Variants in MRGBP observed in about 807,000 individuals in gnomAD.
MRGBP encodes the protein MRG domain binding protein, also known as MRG/MORF4L-binding protein.
A neutral mutation model predicts 21.5 loss-of-function variants in MRGBP; 5 were observed. The ratio of observed to expected loss-of-function variants is 0.23; its 90% CI spans 0.12 to 0.49. The LOEUF is 0.49. Among genes scored for constraint, MRGBP ranks in the 20% least tolerant of loss-of-function variants. The pLI, the probability that MRGBP is intolerant of heterozygous loss-of-function variation, is 0.98. For missense variants in MRGBP, 227 were observed against 277.4 expected (o/e 0.82, Z 1.29); for synonymous variants, 118 against 104.4 (o/e 1.13, Z -0.79).
chr20:62,796,762 C>G, intron 1 of MRGBP, 91 bp downstream of exon 1: 1 of 1,127,274 alleles, frequency 8.9e-7, no homozygotes, highest in South Asian at 4.3e-5. Flanking sequence ...CTCGCCCCCA[C>G]GCTCCCCGCC....
chr20:62,799,062 C>T lies in MRGBP; in HGVS notation c.427+13C>T, dbSNP rs1425903574. 1 of 1,604,032 alleles carries T rather than the reference C, an allele frequency of 6.2e-7. No individual in the cohort carries two copies. The highest frequency in any genetic ancestry group is 1.1e-5 in the South Asian group (1 of 90,342). On this transcript the variant is annotated intron_variant, in intron 4 of 4. Transcript: ENST00000370487. ...GGGGCTGACGATGGTGAGTGTGGAG[C>T]TCACCCTGCCCTGATGCCCTTTGGG...
At chr20:62,797,365 C>T in intron 2 of MRGBP, 134 bp downstream of exon 2, 4 of 1,246,926 alleles carry the variant, frequency 3.2e-6, no homozygotes, top group Non-Finnish European at 4.2e-6. Context: ...GAGGCCCCTC[C>T]ATGCCTGCTG....
intron 1 of MRGBP, 118 bp from the exon 2 acceptor site, chr20:62,796,992 G>T: frequency 2.7e-6 from 1 of 364,276 alleles, no homozygotes. Flanking sequence ...TCCACACCCT[G>T]GCCCTCCCCA....
chr20:62,797,647 T>C (rs974094468), intron 2 of MRGBP, among the ~76,000 whole-genome samples: 1 of 152,180 alleles, frequency 6.6e-6, no homozygotes, highest in South Asian at 2.1e-4. Context: ...CTTAGGCCAT[T>C]GTCAGCCTCC....
At position 62,796,512 on chromosome 20, in the gene MRGBP, C is replaced by G; in HGVS notation, c.-12C>G. ...TCCCGCCGGGGGCTCCTTGCTCGGC[C>G]GGGCCGCGGCCATGGGAGAGGCCGA... On this transcript the variant is annotated 5_prime_UTR_variant, in exon 1 of 5. Coordinates refer to ENST00000370487, the MANE Select transcript of MRGBP (RefSeq NM_018270.6). 1.8e-6 allele frequency: 2 copies of G among 1,141,688 alleles called. No individual in the cohort carries two copies. The highest frequency in any genetic ancestry group is 2.2e-6 in the Non-Finnish European group (2 of 929,936). 70.7% of individuals were successfully genotyped at this position (1,141,688 alleles called of 1,614,324 possible).
intron 2 of MRGBP, among the ~76,000 whole-genome samples, chr20:62,797,460 G>A (rs1990362153): frequency 1.3e-5 from 2 of 152,216 alleles, no homozygotes; most frequent in African/African-American, 4.8e-5. Flanking sequence ...AGAGACCCCT[G>A]CAGTGAGGCT....
At chr20:62,797,303 C>G (rs893419122) in intron 2 of MRGBP, 72 bp downstream of exon 2, 1 of 1,476,438 alleles carries the variant, frequency 6.8e-7, no homozygotes, top group African/African-American at 1.4e-5. Context: ...GAGAGTCAGC[C>G]TGAGCTGGGC....
intron 2 of MRGBP, among the ~76,000 whole-genome samples, chr20:62,798,088 C>A (rs1274169898): frequency 2.6e-5 from 4 of 152,156 alleles, no homozygotes; most frequent in African/African-American, 9.7e-5. Context: ...TTCTTCTTTG[C>A]CTGGTTCTGT....
chr20:62,796,583 G>A lies in MRGBP; in HGVS notation c.60G>A (p.Ala20=). The part of the protein sequence containing the change: ...GAAGDKGPGE[A]ATSPAEETVV... ...CAGGCGACAAGGGCCCGGGGGAGGC[G>A]GCCACCAGCCCGGCGGAGGAGACAG... The change falls in exon 1 of 5, where the codon GCG becomes GCA. Residue 20 remains alanine, a synonymous_variant. Coordinates refer to ENST00000370487, the MANE Select transcript of MRGBP (RefSeq NM_018270.6). The A allele has an allele frequency of 3.9e-6, 5 of 1,266,486 alleles. No homozygotes were observed. The highest frequency in any genetic ancestry group is 5.0e-6 in the Non-Finnish European group (5 of 1,002,014). 78.5% of individuals were successfully genotyped at this position (1,266,486 alleles called of 1,614,324 possible).
Position 62,796,988 on chromosome 20 carries a change from C to T in MRGBP, c.149-122C>T, listed in dbSNP as rs1211016028. ...CCTGCCCCCCCACAGCCCCTCCACA[C>T]CCTGGCCCTCCCCATCTCTCCGCAG... On this transcript the variant is annotated intron_variant, in intron 1 of 4. Coordinates refer to ENST00000370487, the MANE Select transcript of MRGBP (RefSeq NM_018270.6). 4 of 617,104 alleles carry T rather than the reference C, an allele frequency of 6.5e-6. No homozygotes were observed. The East Asian group carries it at 1.8e-4, about 28-fold the overall frequency. The allele number at this position is 617,104 out of a possible 1,614,324, so 38.2% of individuals were successfully genotyped here.
chr20:62,796,837 TCGGACCCCGCCC>T (rs1178038091), intron 1 of MRGBP, among the ~76,000 whole-genome samples, 166 bp downstream of exon 1: 65 of 41,142 alleles, frequency 1.6e-3, no homozygotes, highest in African/African-American at 5.6e-3. Flanking sequence ...CACGCGCCCT[TCGGACCCCGCCC>T]CGGACCCCGC....
intron 2 of MRGBP, among the ~76,000 whole-genome samples, chr20:62,797,800 G>A (rs564382450): frequency 4.5e-4 from 68 of 152,334 alleles, no homozygotes; most frequent in African/African-American, 1.6e-3. Flanking sequence ...ACGGGCGAGC[G>A]GGTTAACTAG....
At position 62,800,574 on chromosome 20, in the gene MRGBP, T is replaced by G. The variant is rs1424503401; in HGVS notation, c.*931T>G. 1 of 152,220 alleles carries G rather than the reference T, an allele frequency of 6.6e-6. No homozygotes were observed. Among genetic ancestry groups the G allele is most frequent in the African/African-American group, 2.4e-5 (1 of 41,428 alleles). The allele number at this position is 152,220 out of a possible 1,614,324, so 9.4% of individuals were successfully genotyped here. On this transcript the variant is annotated 3_prime_UTR_variant, in exon 5 of 5. Transcript: ENST00000370487. ...GCCACTTTCGTGTGACTGCGAACAT[T>G]AAAGCACAAAAAAATCCAACCTGGA...
Position 62,796,601 on chromosome 20 carries a change from G to T in MRGBP, c.78G>T (p.Glu26Asp). Reference protein sequence around the residue: ...GPGEAATSPAEETVVWSPEVE... With the variant: ...GPGEAATSPADETVVWSPEVE... ...GGGAGGCGGCCACCAGCCCGGCGGA[G>T]GAGACAGTGGTGTGGAGCCCCGAGG... Residue 26 changes from glutamate (E) to aspartate (D), a missense_variant, in exon 1 of 5, where the codon GAG becomes GAT. Physicochemically the swap from Glu to Asp is conservative, Grantham distance 45. This residue lies in a region of MRGBP where 65 missense variants were observed against 49.7 expected (regional missense o/e 1.31). Transcript: ENST00000370487. The T allele has an allele frequency of 7.7e-7, 1 of 1,292,188 alleles. No homozygotes were observed. Among genetic ancestry groups the T allele is most frequent in the Non-Finnish European group, 9.8e-7 (1 of 1,016,032 alleles). 80.0% of individuals were successfully genotyped at this position (1,292,188 alleles called of 1,614,324 possible). A position where few individuals can be genotyped will look rare whatever the true frequency, so the allele number is the denominator to read the frequency against.
In MRGBP at chr20:62,796,602, G is replaced by A; in HGVS notation, c.79G>A (p.Glu27Lys). 2.3e-6 allele frequency: 3 copies of A among 1,293,098 alleles called. No individual in the cohort carries two copies. The highest frequency in any genetic ancestry group is 3.0e-6 in the Non-Finnish European group (3 of 1,016,530). 80.1% of individuals were successfully genotyped at this position (1,293,098 alleles called of 1,614,324 possible). A position where few individuals can be genotyped will look rare whatever the true frequency, so the allele number is the denominator to read the frequency against. The change falls in exon 1 of 5, where the codon GAG (glutamate) becomes AAG (lysine). Residue 27 changes from glutamate (E) to lysine (K), a missense_variant. Coordinates refer to ENST00000370487, the MANE Select transcript of MRGBP (RefSeq NM_018270.6). The part of the protein sequence containing the change: ...PGEAATSPAE[E>K]TVVWSPEVEV... ...GGAGGCGGCCACCAGCCCGGCGGAG[G>A]AGACAGTGGTGTGGAGCCCCGAGGT...
chr20:62,799,166 G>A lies in MRGBP; in HGVS notation c.427+117G>A, dbSNP rs1182764671. 1.1e-5 allele frequency: 12 copies of A among 1,085,304 alleles called. No individual in the cohort carries two copies. In the Admixed American group the frequency reaches 2.8e-4, roughly 25 times the overall value. The allele number at this position is 1,085,304 out of a possible 1,614,324, so 67.2% of individuals were successfully genotyped here. A position where few individuals can be genotyped will look rare whatever the true frequency, so the allele number is the denominator to read the frequency against. On this transcript the variant is annotated intron_variant, in intron 4 of 4. Transcript: ENST00000370487. ...CCTGCGGTGCAGAGGCCCCAGGCAGGTCATCTAGGCACAGGATGGATCCTG... is the reference window on the plus strand; with the variant it reads ...CCTGCGGTGCAGAGGCCCCAGGCAGATCATCTAGGCACAGGATGGATCCTG...
Position 62,796,665 on chromosome 20 carries a change from C to A in MRGBP, c.142C>A (p.Pro48Thr). ...CTTCCACGCCATGCTGGGCCACAAG[C>A]CCGTCGGTGAGCGCCCAGGCTGCGG... Reference protein sequence around the residue: ...CLFHAMLGHKPVGVNRHFHMI... With the variant: ...CLFHAMLGHKTVGVNRHFHMI... Residue 48 changes from proline (P) to threonine (T), a missense_variant, in exon 1 of 5, where the codon CCC becomes ACC. Pro to Thr is a conservative substitution (Grantham distance 38, BLOSUM62 -1). This residue lies in a region of MRGBP where 162 missense variants were observed against 227.7 expected (regional missense o/e 0.71). Coordinates refer to ENST00000370487, the MANE Select transcript of MRGBP (RefSeq NM_018270.6). The A allele has an allele frequency of 7.6e-7, 1 of 1,318,876 alleles. No homozygotes were observed. The allele number at this position is 1,318,876 out of a possible 1,614,324, so 81.7% of individuals were successfully genotyped here. A position where few individuals can be genotyped will look rare whatever the true frequency, so the allele number is the denominator to read the frequency against.
In MRGBP at chr20:62,796,619, C is replaced by A; in HGVS notation, c.96C>A (p.Ser32Arg). ...TSPAEETVVWSPEVEVCLFHA... is the reference protein window; with the variant it reads ...TSPAEETVVWRPEVEVCLFHA... ...CGGCGGAGGAGACAGTGGTGTGGAG[C>A]CCCGAGGTGGAGGTGTGCCTCTTCC... is the stretch of plus-strand genomic sequence containing the variant. Residue 32 changes from serine to arginine, a missense_variant, in exon 1 of 5, where the codon AGC (serine) becomes AGA (arginine). Around this residue, in one of 2 missense-constraint regions of MRGBP, gnomAD observed 65 missense variants for 49.7 expected, o/e 1.31. Coordinates refer to ENST00000370487, the MANE Select transcript of MRGBP (RefSeq NM_018270.6). 7.5e-7 allele frequency: 1 copy of A among 1,332,274 alleles called. No homozygotes were observed. The highest frequency in any genetic ancestry group is 9.6e-7 in the Non-Finnish European group (1 of 1,038,204). The allele number at this position is 1,332,274 out of a possible 1,614,324, so 82.5% of individuals were successfully genotyped here. A position where few individuals can be genotyped will look rare whatever the true frequency, so the allele number is the denominator to read the frequency against.
chr20:62,796,855 C>T (rs1990347438), intron 1 of MRGBP, among the ~76,000 whole-genome samples, 184 bp downstream of exon 1: 1 of 135,762 alleles, frequency 7.4e-6, no homozygotes, highest in African/African-American at 2.8e-5. Context: ...CGCCCCGGAC[C>T]CCGCCCACGA....
Sources: gnomAD v4.1 joint callset for allele counts (sites outside exome capture counted in the v4.1 genomes callset) on GRCh38, gnomAD v4.1.1 for gene constraint, gnomAD v4.1.1 regional missense constraint, MANE v1.5 for transcripts, NCBI Gene and HGNC (gene_info 2026-07-23, HGNC 2026-07-21) for gene names.